The following CFAP299 variants were observed in gnomAD, a reference collection of about 807,000 sequenced individuals.
The protein encoded by CFAP299 is cilia and flagella associated protein 299.
Under a neutral mutation model 27.0 loss-of-function variants are expected in CFAP299, and 21 were observed. The ratio of observed to expected loss-of-function variants is 0.78; its 90% CI spans 0.55 to 1.12. The LOEUF is 1.12. Among genes scored for constraint, CFAP299 ranks in the 50% most tolerant of loss-of-function variants. The pLI, the probability that CFAP299 is intolerant of heterozygous loss-of-function variation, is 0.00. For missense variants in CFAP299, 310 were observed against 276.6 expected, an observed-to-expected ratio of 1.12 and a Z score of -0.86; for synonymous variants, 104 against 98.1, an observed-to-expected ratio of 1.06 and a Z score of -0.36.
chr4:80,415,043 T>C (rs1317883045), intron 2 of CFAP299, among the ~76,000 whole-genome samples: 2 of 152,190 alleles, frequency 1.3e-5, no homozygotes, highest in Non-Finnish European at 2.9e-5. Context: ...TAAAATTACA[T>C]AGATGGGGAC....
intron 3 of CFAP299, among the ~76,000 whole-genome samples, chr4:80,858,851 G>A (rs1732112632): frequency 6.6e-6 from 1 of 152,040 alleles, no homozygotes; most frequent in Non-Finnish European, 1.5e-5. Flanking sequence ...TTTTGGAATA[G>A]GTGTGGTGTG....
intron 4 of CFAP299, chr4:80,873,159 G>A (rs1207815150): frequency 1.0e-5 from 3 of 287,364 alleles, no homozygotes; most frequent in African/African-American, 6.9e-5. Context: ...GTTATTAGGG[G>A]AAAAAGTCCC....
intron 3 of CFAP299, among the ~76,000 whole-genome samples, chr4:80,861,665 C>A (rs1437244514): frequency 6.6e-6 from 1 of 152,078 alleles, no homozygotes; most frequent in Non-Finnish European, 1.5e-5. Flanking sequence ...TATTTCATAA[C>A]TTTTGTTCAA....
chr4:80,571,186 C>T (rs1308209751), intron 2 of CFAP299, among the ~76,000 whole-genome samples: 4 of 151,992 alleles, frequency 2.6e-5, no homozygotes, highest in East Asian at 1.9e-4. Context: ...GAGTGATCAG[C>T]GGCTTCTATC....
chr4:80,957,246 A>C (rs1738116728), intron 5 of CFAP299, among the ~76,000 whole-genome samples: 1 of 152,130 alleles, frequency 6.6e-6, no homozygotes, highest in Non-Finnish European at 1.5e-5. Flanking sequence ...GGGACCCAGT[A>C]ATGGGTTTCA....
intron 2 of CFAP299, among the ~76,000 whole-genome samples, chr4:80,408,369 T>C (rs1319888061): frequency 2.0e-5 from 3 of 152,212 alleles, no homozygotes; most frequent in Non-Finnish European, 4.4e-5. Context: ...ACTAAATATG[T>C]TGAATTGAAG....
At chr4:80,693,297 C>G (rs1046806865) in intron 3 of CFAP299, among the ~76,000 whole-genome samples, 1 of 151,758 alleles carries the variant, frequency 6.6e-6, no homozygotes, top group African/African-American at 2.4e-5. Context: ...GGAACCAACC[C>G]AAATGTCCAA....
intron 2 of CFAP299, among the ~76,000 whole-genome samples, chr4:80,526,756 A>G (rs1285769884): frequency 3.3e-5 from 5 of 152,180 alleles, no homozygotes; most frequent in Non-Finnish European, 7.4e-5. Flanking sequence ...TATGCATAGC[A>G]GAACAGATTC....
In CFAP299 at chr4:80,809,311, G is replaced by T. The variant is rs142204749; in HGVS notation, c.334-60682G>T. On this transcript the variant is annotated intron_variant, in intron 3 of 5. Coordinates refer to ENST00000358105, the MANE Select transcript of CFAP299 (RefSeq NM_152770.3). ...ATAGCGTATTATAGCTAAATCCTTC[G>T]GGTGGGAACAGGAGAATTGCATTGT... is the stretch of plus-strand genomic sequence containing the variant. 2.5e-3 allele frequency among the ~76,000 whole-genome samples: 386 copies of T among 152,214 alleles called. 1 individual carries two copies. The highest frequency in any genetic ancestry group is 8.8e-3 in the African/African-American group (365 of 41,562).
At chr4:80,437,537 C>A (rs1218485393) in intron 2 of CFAP299, among the ~76,000 whole-genome samples, 1 of 152,122 alleles carries the variant, frequency 6.6e-6, no homozygotes, top group Non-Finnish European at 1.5e-5. Flanking sequence ...AGTCACGTTG[C>A]AGAAGAGGGA....
chr4:80,445,326 A>G (rs1018719758), intron 2 of CFAP299, among the ~76,000 whole-genome samples: 12 of 152,244 alleles, frequency 7.9e-5, no homozygotes, highest in African/African-American at 2.7e-4. Flanking sequence ...CATATACACA[A>G]TGGAATACTA....
intron 3 of CFAP299, among the ~76,000 whole-genome samples, chr4:80,710,664 G>A (rs752619916): frequency 2.5e-4 from 37 of 150,928 alleles, no homozygotes; most frequent in Non-Finnish European, 4.3e-4. Flanking sequence ...TTCTACCAGC[G>A]TTCCAACTAC....
At chr4:80,465,322 A>G (rs903877783) in intron 2 of CFAP299, among the ~76,000 whole-genome samples, 13 of 152,194 alleles carry the variant, frequency 8.5e-5, no homozygotes, top group Non-Finnish European at 1.8e-4. Context: ...ACTACAGACT[A>G]AGCTGGCAGG....
At chr4:80,839,988 ATT>A (rs1424799405) in intron 3 of CFAP299, among the ~76,000 whole-genome samples, 1 of 152,030 alleles carries the variant, frequency 6.6e-6, no homozygotes, top group Non-Finnish European at 1.5e-5. Flanking sequence ...GCTTTATGGG[ATT>A]TTGTTGTGAG....
upstream of CFAP299, among the ~76,000 whole-genome samples, chr4:80,333,059 G>A (rs1164467480): frequency 6.6e-6 from 1 of 152,072 alleles, no homozygotes; most frequent in Non-Finnish European, 1.5e-5. Context: ...GTCCTGGGAG[G>A]AATTCCATCT....
chr4:80,753,949 T>G (rs1725083060), intron 3 of CFAP299, among the ~76,000 whole-genome samples: 1 of 152,190 alleles, frequency 6.6e-6, no homozygotes, highest in African/African-American at 2.4e-5. Flanking sequence ...TCATAGAAAT[T>G]TTAAATCCAC....
At chr4:80,537,042 G>T (rs1315361884) in intron 2 of CFAP299, among the ~76,000 whole-genome samples, 1 of 151,966 alleles carries the variant, frequency 6.6e-6, no homozygotes, top group Non-Finnish European at 1.5e-5. Flanking sequence ...ATGAGCAATG[G>T]AACTAAATAT....
At chr4:80,762,447 G>A (rs769329354) in intron 3 of CFAP299, among the ~76,000 whole-genome samples, 14 of 152,078 alleles carry the variant, frequency 9.2e-5, no homozygotes, top group Non-Finnish European at 1.6e-4. Context: ...TTGTAAAGTG[G>A]AACTAGAAGC....
At chr4:80,622,997 CA>C (rs1241720525) in intron 3 of CFAP299, among the ~76,000 whole-genome samples, 1 of 152,114 alleles carries the variant, frequency 6.6e-6, no homozygotes, top group Non-Finnish European at 1.5e-5. Context: ...AGAGGATCAA[CA>C]TGTCACTTTT....
Sources: allele counts gnomAD v4.1 joint callset (sites outside exome capture counted in the v4.1 genomes callset), GRCh38; gene constraint gnomAD v4.1.1; transcripts MANE v1.5; gene names NCBI Gene and HGNC (gene_info 2026-07-23, HGNC 2026-07-21).